Variants in THNSL1 observed in about 807,000 individuals in gnomAD.
THNSL1 encodes the protein threonine synthase-like 1.
In THNSL1, 48 loss-of-function variants were observed where a neutral mutation model predicts 50.4. That is an observed-to-expected ratio of 0.95 (90% CI 0.76 to 1.21). The LOEUF (loss-of-function observed/expected upper bound fraction) is 1.21, where lower values mean the gene tolerates loss of function less well. THNSL1 is among the 50% of genes most tolerant of loss of function. The pLI is 0.00. For missense variants in THNSL1, 896 were observed against 871.7 expected, an observed-to-expected ratio of 1.03 and a Z score of -0.35; for synonymous variants, 309 against 306.1, an observed-to-expected ratio of 1.01 and a Z score of -0.10.
chr10:24,970,593 G>T, the THNSL1 span, among the ~76,000 whole-genome samples: 1 of 151,802 alleles, frequency 6.6e-6, no homozygotes, highest in African/African-American at 2.4e-5. Flanking sequence ...TACACCTGTA[G>T]TTCCAGCTAC....
At chr10:24,995,520 G>C in the THNSL1 span, 4 of 852,924 alleles carry the variant, frequency 4.7e-6, no homozygotes, top group Non-Finnish European at 7.1e-6. Flanking sequence ...GCAGAAGAAT[G>C]AGAATCAGCA....
the THNSL1 span, chr10:24,984,568 G>T: frequency 9.8e-7 from 1 of 1,020,334 alleles, no homozygotes; most frequent in Non-Finnish European, 1.4e-6. Flanking sequence ...TTCTTCTTGT[G>T]TAAGTGAATA....
upstream of THNSL1, among the ~76,000 whole-genome samples, chr10:25,012,618 TA>T (rs368736444): frequency 9.8e-5 from 15 of 152,380 alleles, no homozygotes; most frequent in African/African-American, 3.6e-4. Context: ...AAGGGGCCTA[TA>T]GCCCCTTTGT....
the THNSL1 span, among the ~76,000 whole-genome samples, chr10:24,968,775 A>T: frequency 6.6e-6 from 1 of 152,254 alleles, no homozygotes. Context: ...GGTATTCTGT[A>T]TGTTACTCAA....
chr10:25,024,150 G>T lies in THNSL1; in HGVS notation c.927G>T (p.Arg309Ser). Residue 309 changes from arginine (R) to serine (S), a missense_variant, in exon 3 of 3, where the codon AGG becomes AGT. By Grantham distance (110) the Arg-to-Ser change is moderately radical. Transcript: ENST00000376356. ...ATCCTGCAGACATACCTGCTGCCAG[G>T]TTGGGAGAAATGATTGAAACTGCTT... ...CIHPADIPAA[R>S]LGEMIETAYG... 2 of 1,614,172 alleles carry T rather than the reference G, an allele frequency of 1.2e-6. No individual in the cohort carries two copies. Among genetic ancestry groups the T allele is most frequent in the African/African-American group, 1.3e-5 (1 of 75,062 alleles).
chr10:24,997,550 C>T, the THNSL1 span, among the ~76,000 whole-genome samples: 1 of 151,636 alleles, frequency 6.6e-6, no homozygotes, highest in Non-Finnish European at 1.5e-5. Context: ...GCACACCTAG[C>T]TAATTAAAAA....
At chr10:24,981,208 G>A in the THNSL1 span, among the ~76,000 whole-genome samples, 2 of 152,170 alleles carry the variant, frequency 1.3e-5, no homozygotes, top group Non-Finnish European at 2.9e-5. Flanking sequence ...GAACAGTGAC[G>A]CATGGGCCCT....
At chr10:24,957,981 A>G in the THNSL1 span, among the ~76,000 whole-genome samples, 1 of 152,208 alleles carries the variant, frequency 6.6e-6, no homozygotes, top group Non-Finnish European at 1.5e-5. Context: ...GGAAGTATAT[A>G]CTAATTTTTT....
chr10:25,023,978 G>A lies in THNSL1; in HGVS notation c.755G>A (p.Ser252Asn), dbSNP rs748371602. 6.2e-7 allele frequency: 1 copy of A among 1,614,208 alleles called. No individual in the cohort carries two copies. The highest frequency in any genetic ancestry group is 1.7e-5 in the Admixed American group (1 of 60,026). Residue 252 changes from serine (S) to asparagine (N), a missense_variant, in exon 3 of 3, where the codon AGT becomes AAT. Coordinates refer to ENST00000376356, the MANE Select transcript of THNSL1 (RefSeq NM_024838.5). ...CAGAAGGTTTCAGCAAAATTCTTTA[G>A]TGAAGCTGTAATTGAGGGGTTGGCT... is the stretch of plus-strand genomic sequence containing the variant. ...CEQKVSAKFFSEAVIEGLASD... is the reference protein window; with the variant it reads ...CEQKVSAKFFNEAVIEGLASD...
chr10:24,966,694 T>C, the THNSL1 span, among the ~76,000 whole-genome samples: 2 of 152,190 alleles, frequency 1.3e-5, no homozygotes, highest in African/African-American at 4.8e-5. Context: ...GTATATTCCT[T>C]TATTTATGGG....
In THNSL1 at chr10:25,023,510, A is replaced by G; in HGVS notation, c.287A>G (p.Asn96Ser). ...VDDDILEKTW[N>S]MSVSEKLQDV... ...GATGATATCCTTGAAAAAACCTGGA[A>G]TATGAGTGTGTCTGAAAAATTACAG... The change falls in exon 3 of 3, where the codon AAT becomes AGT. Residue 96 changes from asparagine to serine, a missense_variant. Physicochemically the swap from Asn to Ser is conservative, Grantham distance 46. Transcript: ENST00000376356. 6.2e-7 allele frequency: 1 copy of G among 1,614,158 alleles called. No homozygotes were observed. The highest frequency in any genetic ancestry group is 1.3e-5 in the African/African-American group (1 of 75,056).
chr10:24,988,664 G>GTATATATA, the THNSL1 span, among the ~76,000 whole-genome samples: 1 of 98,846 alleles, frequency 1.0e-5, no homozygotes. Context: ...CACAGCATAT[G>GTATATATA]TATATATATA....
the THNSL1 span, among the ~76,000 whole-genome samples, chr10:24,954,531 A>T: frequency 2.0e-5 from 3 of 152,258 alleles, no homozygotes; most frequent in South Asian, 6.2e-4. Context: ...TGTAAGGGAA[A>T]TGGTAGATAA....
At position 25,024,070 on chromosome 10, in the gene THNSL1, C is replaced by G; in HGVS notation, c.847C>G (p.Leu283Val). The G allele has an allele frequency of 1.9e-6, 3 of 1,614,134 alleles. No homozygotes were observed. Among genetic ancestry groups the G allele is most frequent in the Non-Finnish European group, 2.5e-6 (3 of 1,180,002 alleles). The part of the protein sequence containing the change: ...PKLSCGEWKS[L>V]VGATYVERAQ... Reference sequence around the variant, plus strand: ...ATTAAGCTGCGGGGAGTGGAAAAGCCTAGTAGGAGCAACCTACGTAGAAAG... The same window carrying G: ...ATTAAGCTGCGGGGAGTGGAAAAGCGTAGTAGGAGCAACCTACGTAGAAAG... Residue 283 changes from leucine (L) to valine (V), a missense_variant, in exon 3 of 3, where the codon CTA becomes GTA. By Grantham distance (32) the Leu-to-Val change is conservative. Coordinates refer to ENST00000376356, the MANE Select transcript of THNSL1 (RefSeq NM_024838.5).
At chr10:24,974,632 C>A in the THNSL1 span, among the ~76,000 whole-genome samples, 1 of 152,106 alleles carries the variant, frequency 6.6e-6, no homozygotes, top group Non-Finnish European at 1.5e-5. Flanking sequence ...CTTTTTTTCT[C>A]ACTTTATAAA....
At chr10:24,981,732 A>G in the THNSL1 span, among the ~76,000 whole-genome samples, 1 of 152,216 alleles carries the variant, frequency 6.6e-6, no homozygotes, top group African/African-American at 2.4e-5. Flanking sequence ...AATCCCATTT[A>G]CAGAAAAGGA....
the THNSL1 span, among the ~76,000 whole-genome samples, chr10:24,988,385 T>A: frequency 6.9e-6 from 1 of 145,464 alleles, no homozygotes; most frequent in Non-Finnish European, 1.5e-5. Context: ...TGTATATATG[T>A]GTATATATTT....
At chr10:24,963,381 C>T in the THNSL1 span, among the ~76,000 whole-genome samples, 2 of 152,194 alleles carry the variant, frequency 1.3e-5, no homozygotes, top group Non-Finnish European at 2.9e-5. Context: ...AGTTTTAAAA[C>T]TAGTCTGTGT....
the THNSL1 span, among the ~76,000 whole-genome samples, chr10:24,985,139 T>C: frequency 5.3e-5 from 8 of 152,226 alleles, no homozygotes; most frequent in Admixed American, 2.6e-4. Context: ...TTGTTTGCTC[T>C]GCTTTTGTTG....
Sources: allele counts gnomAD v4.1 joint callset (sites outside exome capture counted in the v4.1 genomes callset), GRCh38; gene constraint gnomAD v4.1.1; transcripts MANE v1.5; gene names NCBI Gene and HGNC (gene_info 2026-07-23, HGNC 2026-07-21).